The following UVRAG variants were observed in gnomAD, a reference collection of about 807,000 sequenced individuals.
The protein encoded by UVRAG is UV radiation resistance associated, also known as UV radiation resistance-associated gene protein.
In UVRAG, 19 loss-of-function variants were observed where a neutral mutation model predicts 78.0. The observed-to-expected ratio is 0.24, with a 90% confidence interval of 0.17 to 0.36. The LOEUF is 0.36. Ranked by LOEUF, UVRAG falls within the 10% of genes least tolerant of loss-of-function variation. UVRAG has a pLI of 1.00. For missense variants in UVRAG, 740 were observed against 853.8 expected, an observed-to-expected ratio of 0.87 and a Z score of 1.66; for synonymous variants, 323 against 324.6, an observed-to-expected ratio of 1.00 and a Z score of 0.05.
At chr11:75,867,795 A>G (rs1946567704) in intron 3 of UVRAG, among the ~76,000 whole-genome samples, 1 of 152,238 alleles carries the variant, frequency 6.6e-6, no homozygotes, top group Non-Finnish European at 1.5e-5. Context: ...AACCTTTTGA[A>G]TTTAAATTGT....
chr11:75,886,049 G>C (rs1290953356), intron 4 of UVRAG, among the ~76,000 whole-genome samples: 1 of 152,082 alleles, frequency 6.6e-6, no homozygotes, highest in African/African-American at 2.4e-5. Flanking sequence ...CTATATGTTG[G>C]ATAGAGTAGG....
At chr11:76,093,747 A>G (rs1951743267) in intron 13 of UVRAG, among the ~76,000 whole-genome samples, 1 of 152,150 alleles carries the variant, frequency 6.6e-6, no homozygotes, top group African/African-American at 2.4e-5. Context: ...ATTGGCTTAA[A>G]GAGATGTTGG....
chr11:75,936,484 G>A (rs1948376100), intron 6 of UVRAG, among the ~76,000 whole-genome samples: 1 of 152,140 alleles, frequency 6.6e-6, no homozygotes, highest in Non-Finnish European at 1.5e-5. Flanking sequence ...TTGTATCAAT[G>A]TAGACACATG....
intron 12 of UVRAG, among the ~76,000 whole-genome samples, chr11:76,057,980 G>C (rs1388299004): frequency 6.6e-6 from 1 of 151,772 alleles, no homozygotes; most frequent in South Asian, 2.1e-4. Context: ...TTTTGTTGTT[G>C]TTGTTTTGTT....
At chr11:76,003,471 T>G (rs552406798) in intron 8 of UVRAG, among the ~76,000 whole-genome samples, 8 of 152,040 alleles carry the variant, frequency 5.3e-5, no homozygotes, top group African/African-American at 1.9e-4. Context: ...TCTGCCAGCC[T>G]TGGCCTCCCA....
At chr11:76,015,026 TCC>T (rs1950121281) in intron 11 of UVRAG, among the ~76,000 whole-genome samples, 1 of 152,194 alleles carries the variant, frequency 6.6e-6, no homozygotes, top group Non-Finnish European at 1.5e-5. Context: ...TTGATTTTTT[TCC>T]ATGGGTTTGT....
At chr11:76,106,164 A>C (rs1185793577) in intron 13 of UVRAG, among the ~76,000 whole-genome samples, 1 of 152,214 alleles carries the variant, frequency 6.6e-6, no homozygotes, top group Non-Finnish European at 1.5e-5. Context: ...CTCAGCAGTA[A>C]AAAGGACCAG....
At chr11:75,871,026 T>C (rs886425931) in intron 3 of UVRAG, among the ~76,000 whole-genome samples, 2 of 151,888 alleles carry the variant, frequency 1.3e-5, no homozygotes, top group African/African-American at 4.8e-5. Flanking sequence ...TGTGCCACCA[T>C]GCCTGGCTAT....
intron 3 of UVRAG, among the ~76,000 whole-genome samples, chr11:75,870,061 T>C (rs1174093608): frequency 6.6e-6 from 1 of 152,180 alleles, no homozygotes; most frequent in African/African-American, 2.4e-5. Flanking sequence ...TGGGCGGGTA[T>C]GTATAGGTTA....
chr11:75,993,931 A>T (rs1949659365), intron 8 of UVRAG, among the ~76,000 whole-genome samples: 1 of 151,770 alleles, frequency 6.6e-6, no homozygotes, highest in Non-Finnish European at 1.5e-5. Flanking sequence ...GAATTGCCAT[A>T]CTCTTTTAGA....
At chr11:75,921,529 T>C (rs1947980318) in intron 6 of UVRAG, among the ~76,000 whole-genome samples, 1 of 152,196 alleles carries the variant, frequency 6.6e-6, no homozygotes, top group Admixed American at 6.5e-5. Context: ...AAAGTTCATA[T>C]TTGTTGTATC....
chr11:76,129,948 C>T (rs546225485), intron 14 of UVRAG, among the ~76,000 whole-genome samples: 8 of 152,126 alleles, frequency 5.3e-5, no homozygotes, highest in African/African-American at 7.2e-5. Flanking sequence ...CTCTCTCTCT[C>T]GCTTTCTCTC....
chr11:75,834,753 G>A (rs567169110), intron 1 of UVRAG, among the ~76,000 whole-genome samples: 18 of 152,256 alleles, frequency 1.2e-4, no homozygotes, highest in African/African-American at 3.9e-4. Context: ...GGTGGAGGTT[G>A]TGGTGAGCCG....
At chr11:75,877,575 C>T (rs553087198) in intron 3 of UVRAG, among the ~76,000 whole-genome samples, 80 of 144,082 alleles carry the variant, frequency 5.6e-4, no homozygotes, top group African/African-American at 1.7e-3. Context: ...CCCCCCACCT[C>T]CCTCCCGTAC....
chr11:75,884,240 T>TTCTCTCTCTCTCTCTC (rs767650431), intron 4 of UVRAG, among the ~76,000 whole-genome samples: 9 of 132,466 alleles, frequency 6.8e-5, no homozygotes, highest in African/African-American at 2.9e-4. Context: ...CTCTCTCTCT[T>TTCTCTCTCTCTCTCTC]TCTCTCTCTC....
At chr11:75,920,081 A>G (rs1336568931) in intron 6 of UVRAG, among the ~76,000 whole-genome samples, 1 of 115,934 alleles carries the variant, frequency 8.6e-6, no homozygotes, top group East Asian at 2.9e-4. Context: ...CCTGGAGTGC[A>G]ATGGTGTGAT....
chr11:76,098,476 C>A (rs1951825088), intron 13 of UVRAG, among the ~76,000 whole-genome samples: 1 of 152,140 alleles, frequency 6.6e-6, no homozygotes, highest in Non-Finnish European at 1.5e-5. Flanking sequence ...TGTTCCTTCT[C>A]CTGTACCATC....
At chr11:76,099,404 G>A (rs1421910116) in intron 13 of UVRAG, among the ~76,000 whole-genome samples, 2 of 152,074 alleles carry the variant, frequency 1.3e-5, no homozygotes, top group Non-Finnish European at 2.9e-5. Context: ...ATAATTGAAT[G>A]AATTAATATT....
chr11:75,841,255 A>G (rs1945900630), intron 1 of UVRAG, among the ~76,000 whole-genome samples: 1 of 152,228 alleles, frequency 6.6e-6, no homozygotes, highest in African/African-American at 2.4e-5. Flanking sequence ...TTAAGAAATT[A>G]TCTCATAATA....
Sources: allele counts gnomAD v4.1 joint callset (sites outside exome capture counted in the v4.1 genomes callset), GRCh38; gene constraint gnomAD v4.1.1; transcripts MANE v1.5; gene names NCBI Gene and HGNC (gene_info 2026-07-23, HGNC 2026-07-21).